ITPR2: variants seen among roughly 807,000 people sequenced by gnomAD.
ITPR2 encodes the protein inositol 1,4,5-trisphosphate-gated calcium channel ITPR2.
A neutral mutation model predicts 317.1 loss-of-function variants in ITPR2; 207 were observed. That is an observed-to-expected ratio of 0.65 (90% CI 0.58 to 0.73). The LOEUF (loss-of-function observed/expected upper bound fraction) is 0.73, where lower values mean the gene tolerates loss of function less well. ITPR2 is among the 30% of genes least tolerant of loss of function. The pLI is 0.00. For missense variants in ITPR2, 2,613 were observed against 3,284.0 expected, an observed-to-expected ratio of 0.80 and a Z score of 4.99; for synonymous variants, 1,156 against 1,149.1, an observed-to-expected ratio of 1.01 and a Z score of -0.12.
At chr12:26,763,416 G>C (rs1392440618) in intron 2 of ITPR2, among the ~76,000 whole-genome samples, 1 of 151,924 alleles carries the variant, frequency 6.6e-6, no homozygotes, top group Non-Finnish European at 1.5e-5. Flanking sequence ...TCCCATCGAA[G>C]TTTATGAATC....
intron 10 of ITPR2, among the ~76,000 whole-genome samples, chr12:26,693,273 T>G (rs1312902238): frequency 6.6e-6 from 1 of 152,144 alleles, no homozygotes; most frequent in African/African-American, 2.4e-5. Context: ...CCTTTAGAGG[T>G]CAATGAAGAA....
At chr12:26,670,311 G>C (rs943897808) in intron 13 of ITPR2, among the ~76,000 whole-genome samples, 6 of 152,358 alleles carry the variant, frequency 3.9e-5, no homozygotes, top group Non-Finnish European at 8.8e-5. Flanking sequence ...AGTAGGGGCA[G>C]ACTGACACTT....
At chr12:26,359,396 C>T (rs1465938501) in intron 55 of ITPR2, among the ~76,000 whole-genome samples, 1 of 152,142 alleles carries the variant, frequency 6.6e-6, no homozygotes, top group Non-Finnish European at 1.5e-5. Flanking sequence ...ACCAAGAAAG[C>T]AGGCTATGAT....
chr12:26,358,600 TC>T (rs1938717124), intron 55 of ITPR2, among the ~76,000 whole-genome samples: 1 of 152,184 alleles, frequency 6.6e-6, no homozygotes, highest in Admixed American at 6.5e-5. Flanking sequence ...TCTCATATGT[TC>T]TACCCATTTC....
chr12:26,415,305 G>C lies in ITPR2; in HGVS notation c.7304C>G (p.Thr2435Arg). The C allele has an allele frequency of 6.3e-7, 1 of 1,598,316 alleles. No individual in the cohort carries two copies. Among genetic ancestry groups the C allele is most frequent in the Non-Finnish European group, 8.5e-7 (1 of 1,172,452 alleles). Residue 2435 changes from threonine (T) to arginine (R), a missense_variant and splice_region_variant, in exon 51 of 57, where the codon ACA (threonine) becomes AGA (arginine). By Grantham distance (71) the Thr-to-Arg change is moderately conservative. This residue lies in a region of ITPR2 where 113 missense variants were observed against 129.2 expected (regional missense o/e 0.87). Coordinates refer to ENST00000381340, the MANE Select transcript of ITPR2 (RefSeq NM_002223.4). ...VDRLKNRTPVTGSHQVPTMTL... is the reference protein window; with the variant it reads ...VDRLKNRTPVRGSHQVPTMTL... ...TCATTTAGTGGTAATAGCAATACCT[G>C]TAACAGGAGTTCGGTTTTTCAGCCT...
At chr12:26,347,769 A>G (rs2136552895) in intron 55 of ITPR2, among the ~76,000 whole-genome samples, 1 of 152,354 alleles carries the variant, frequency 6.6e-6, no homozygotes, top group South Asian at 2.1e-4. Context: ...GATTTATTAA[A>G]AATCAGAAAC....
chr12:26,433,348 C>T (rs1159533446), intron 48 of ITPR2, among the ~76,000 whole-genome samples: 1 of 152,144 alleles, frequency 6.6e-6, no homozygotes, highest in Non-Finnish European at 1.5e-5. Context: ...GATGATAGTG[C>T]ACCATGTCTT....
chr12:26,569,093 A>C (rs1945086634), intron 34 of ITPR2, among the ~76,000 whole-genome samples: 1 of 152,206 alleles, frequency 6.6e-6, no homozygotes, highest in Non-Finnish European at 1.5e-5. Context: ...AACTCCCAAA[A>C]CACAAAGAGA....
rs1437359700 is a variant in ITPR2 at position 26,772,523 on chromosome 12, T to TTATATATAATACATGTATTA, written c.163+17614_163+17633dup. On this transcript the variant is annotated intron_variant, in intron 2 of 56. Coordinates refer to ENST00000381340, the MANE Select transcript of ITPR2 (RefSeq NM_002223.4). ...TACATGTATTATATATAATACATTA[T>TTATATATAATACATGTATTA]TATATATAATACATGTATTATATAT... Among the ~76,000 whole-genome samples, 776 of 90,862 alleles carry TTATATATAATACATGTATTA rather than the reference T, an allele frequency of 8.5e-3. 21 individuals carry two copies. The highest frequency in any genetic ancestry group is 0.013 in the African/African-American group (380 of 28,762). The allele number at this position is 90,862 out of a possible 152,430, so 59.6% of individuals were successfully genotyped here.
At chr12:26,383,462 G>GTTTT (rs892413890) in intron 55 of ITPR2, among the ~76,000 whole-genome samples, 4 of 149,380 alleles carry the variant, frequency 2.7e-5, no homozygotes, top group Admixed American at 7.1e-5. Flanking sequence ...CTTATTCTAT[G>GTTTT]TTTTTTTGTT....
Position 26,799,794 on chromosome 12 carries a change from G to A in ITPR2, c.93-9567C>T, listed in dbSNP as rs1431426218. On this transcript the variant is annotated intron_variant, in intron 1 of 56. Coordinates refer to ENST00000381340, the MANE Select transcript of ITPR2 (RefSeq NM_002223.4). ...CTTGTCCATTACAGTTCTCATGAAA[G>A]TCAAAGCATCTGCAAAGTACTTTTC... 2.6e-5 allele frequency among the ~76,000 whole-genome samples: 4 copies of A among 152,194 alleles called. No homozygotes were observed. The East Asian group carries it at 7.7e-4, about 29-fold the overall frequency.
At chr12:26,805,069 C>G (rs11614652) in intron 1 of ITPR2, among the ~76,000 whole-genome samples, 23,119 of 152,118 alleles carry the variant, frequency 0.15, 2,417 homozygotes, top group Non-Finnish European at 0.24. Flanking sequence ...ATCCTTCAGA[C>G]AGTGATCATG....
chr12:26,737,694 G>A (rs1267451195), intron 2 of ITPR2, among the ~76,000 whole-genome samples: 2 of 151,920 alleles, frequency 1.3e-5, no homozygotes, highest in Non-Finnish European at 2.9e-5. Context: ...TTGGCATCTC[G>A]GTATTACAGA....
chr12:26,766,758 C>T (rs563166096), intron 2 of ITPR2, among the ~76,000 whole-genome samples: 6 of 152,224 alleles, frequency 3.9e-5, no homozygotes, highest in African/African-American at 7.2e-5. Context: ...TTAGTTCTTA[C>T]GCTGAGGTCT....
chr12:26,428,838 C>T (rs1941133700), intron 48 of ITPR2, among the ~76,000 whole-genome samples: 1 of 152,150 alleles, frequency 6.6e-6, no homozygotes, highest in African/African-American at 2.4e-5. Context: ...GAATCTTTCC[C>T]TGAAGGTCAT....
At chr12:26,398,087 T>TGC (rs1284345476) in intron 54 of ITPR2, among the ~76,000 whole-genome samples, 2 of 150,800 alleles carry the variant, frequency 1.3e-5, no homozygotes, top group African/African-American at 4.9e-5. Context: ...TGTGTGTGTG[T>TGC]GTGTGTGTGT....
At chr12:26,360,414 C>G (rs924633629) in intron 55 of ITPR2, among the ~76,000 whole-genome samples, 4 of 152,184 alleles carry the variant, frequency 2.6e-5, no homozygotes. Flanking sequence ...TTCCCCTGGT[C>G]CCAAAGCCCA....
At chr12:26,792,994 A>G (rs1213036114) in intron 1 of ITPR2, among the ~76,000 whole-genome samples, 2 of 152,182 alleles carry the variant, frequency 1.3e-5, no homozygotes, top group Admixed American at 6.5e-5. Flanking sequence ...CTTCTTTCTG[A>G]TACTAAACTT....
At position 26,580,828 on chromosome 12, in the gene ITPR2, T is replaced by C. The variant is rs114266577; in HGVS notation, c.4381-673A>G. 7.2e-3 allele frequency among the ~76,000 whole-genome samples: 1,094 copies of C among 152,262 alleles called. 21 individuals carry two copies. Among genetic ancestry groups the C allele is most frequent in the African/African-American group, 0.025 (1,041 of 41,552 alleles). On this transcript the variant is annotated intron_variant, in intron 32 of 56. Transcript: ENST00000381340. Reference sequence around the variant, plus strand: ...CTCGTGCTCTGATCTTTACATCTGATGAAATGAGGCAGTAATTGGTCATTT... The same window carrying C: ...CTCGTGCTCTGATCTTTACATCTGACGAAATGAGGCAGTAATTGGTCATTT...
Sources: gnomAD v4.1 joint callset for allele counts (sites outside exome capture counted in the v4.1 genomes callset) on GRCh38, gnomAD v4.1.1 for gene constraint, gnomAD v4.1.1 regional missense constraint, MANE v1.5 for transcripts, NCBI Gene and HGNC (gene_info 2026-07-23, HGNC 2026-07-21) for gene names.